The following STAC2 variants were observed in gnomAD, a reference collection of about 807,000 sequenced individuals.
STAC2 encodes the protein SH3 and cysteine rich domain 2, also known as SH3 and cysteine-rich domain-containing protein 2.
A neutral mutation model predicts 49.0 loss-of-function variants in STAC2; 36 were observed. The observed-to-expected ratio is 0.74, with a 90% CI of 0.56 to 0.97. The LOEUF is 0.97. Among genes scored for constraint, STAC2 ranks in the 50% least tolerant of loss-of-function variants. STAC2 has a pLI of 0.00. For missense variants in STAC2, 527 were observed against 543.8 expected, an observed-to-expected ratio of 0.97 and a Z score of 0.31; for synonymous variants, 239 against 214.7, an observed-to-expected ratio of 1.11 and a Z score of -0.99.
Position 39,225,398 on chromosome 17 carries a change from C to G in STAC2, c.90+15G>C, listed in dbSNP as rs777534221. 1.3e-6 allele frequency: 2 copies of G among 1,592,962 alleles called. No homozygotes were observed. The highest frequency in any genetic ancestry group is 2.2e-5 in the South Asian group (2 of 90,318). On this transcript the variant is annotated intron_variant, in intron 1 of 10. Transcript: ENST00000333461. The surrounding 1 kb of genome is among the most constrained non-coding windows in gnomAD (Gnocchi z 8.2). ...GGGCCCGGGGCGCGGACAGGCCTTG[C>G]GCCCCCCAAGTTACCTTGGTTTCCT...
At chr17:39,220,738 T>C (rs1265064052) in intron 1 of STAC2, among the ~76,000 whole-genome samples, 5 of 146,002 alleles carry the variant, frequency 3.4e-5, no homozygotes, top group East Asian at 2.1e-4. Context: ...TCCCAAAGTG[T>C]TGGGATTACA....
At chr17:39,223,183 G>T (rs912291769) in intron 1 of STAC2, among the ~76,000 whole-genome samples, 1 of 152,198 alleles carries the variant, frequency 6.6e-6, no homozygotes, top group Non-Finnish European at 1.5e-5. Flanking sequence ...CCCCTCTGTT[G>T]TACCTGCCTC....
At chr17:39,220,942 G>T (rs369001573) in intron 1 of STAC2, among the ~76,000 whole-genome samples, 11 of 151,142 alleles carry the variant, frequency 7.3e-5, no homozygotes, top group Admixed American at 2.0e-4. Context: ...GACTACAGGC[G>T]CCCGCCACCA....
chr17:39,214,707 T>C, intron 7 of STAC2, 84 bp downstream of exon 7: 1 of 1,490,446 alleles, frequency 6.7e-7, no homozygotes, highest in Non-Finnish European at 9.2e-7. Context: ...CACCATGCTC[T>C]TGCCCCCCTA....
At position 39,215,031 on chromosome 17, in the gene STAC2, CAG is replaced by C. The variant is rs2046389548; in HGVS notation, c.700-10_700-9del. ...CAGCTCATCCCGCTCACTCTAGGGA[CAG>C]AGAGAGGAGAGGGCTCAGCCCCCGA... On this transcript the variant is annotated splice_polypyrimidine_tract_variant and intron_variant, in intron 5 of 10. Coordinates refer to ENST00000333461, the MANE Select transcript of STAC2 (RefSeq NM_198993.5). 1 of 1,613,990 alleles carries C rather than the reference CAG, an allele frequency of 6.2e-7. No individual in the cohort carries two copies. The highest frequency in any genetic ancestry group is 8.5e-7 in the Non-Finnish European group (1 of 1,180,018).
intron 10 of STAC2, 110 bp downstream of exon 10, chr17:39,212,885 T>C: frequency 6.6e-7 from 1 of 1,504,680 alleles, no homozygotes; most frequent in Non-Finnish European, 8.9e-7. Context: ...TCCCCTCAAC[T>C]GCCAAGATCA....
chr17:39,212,494 T>C (rs921125229), intron 10 of STAC2, 98 bp from the exon 11 acceptor site: 16 of 847,278 alleles, frequency 1.9e-5, no homozygotes, highest in African/African-American at 5.1e-5. Flanking sequence ...TGGGGGATGA[T>C]GGGACCAGTG....
At chr17:39,214,747 G>C in intron 7 of STAC2, 44 bp downstream of exon 7, 1 of 1,603,224 alleles carries the variant, frequency 6.2e-7, no homozygotes, top group Non-Finnish European at 8.5e-7. Flanking sequence ...AATTACACCC[G>C]CTTCCCACCC....
At chr17:39,217,006 G>A (rs990618116) in intron 3 of STAC2, 70 bp downstream of exon 3, 16 of 1,603,104 alleles carry the variant, frequency 1.0e-5, no homozygotes, top group Non-Finnish European at 1.4e-5. Flanking sequence ...AGCCCTGAGG[G>A]ATACTCATTC....
chr17:39,213,518 C>T lies in STAC2; in HGVS notation c.982G>A (p.Asp328Asn). The change falls in exon 9 of 11, where the codon GAC becomes AAC. Residue 328 changes from aspartate (D) to asparagine (N), a missense_variant. By Grantham distance (23) the Asp-to-Asn change is conservative. Transcript: ENST00000333461. ...CCCTGCCAAGTCACCTTCCACCAGT[C>T]CTCGTTAGAGTCATCCACCAGCATG... Reference protein sequence around the residue: ...RIMLVDDSNEDWWKGKIGDRV... With the variant: ...RIMLVDDSNENWWKGKIGDRV... The T allele has an allele frequency of 6.2e-7, 1 of 1,613,770 alleles. No individual in the cohort carries two copies. Among genetic ancestry groups the T allele is most frequent in the Non-Finnish European group, 8.5e-7 (1 of 1,179,782 alleles).
chr17:39,225,311 T>C lies in STAC2; in HGVS notation c.90+102A>G. On this transcript the variant is annotated intron_variant, in intron 1 of 10. Transcript: ENST00000333461. This position sits in a 1 kb window ranked among gnomAD's most constrained non-coding sequence, Gnocchi z 8.2. ...CGGAGCCTCAGTGGTCACGCGGGCC[T>C]CGCGACCGCGACCCTAGGACGCCCG... 1.1e-5 allele frequency: 11 copies of C among 1,015,950 alleles called. No individual in the cohort carries two copies. The highest frequency in any genetic ancestry group is 3.1e-5 in the Admixed American group (1 of 32,252). 62.9% of individuals were successfully genotyped at this position (1,015,950 alleles called of 1,614,324 possible).
chr17:39,225,357 C>A lies in STAC2; in HGVS notation c.90+56G>T, dbSNP rs1218081336. Reference sequence around the variant, plus strand: ...GCCCGGGCCCACAGGAGGACCCCGCCGGGAAGAGGGCGCCCGGGCCCGGGG... The same window carrying A: ...GCCCGGGCCCACAGGAGGACCCCGCAGGGAAGAGGGCGCCCGGGCCCGGGG... On this transcript the variant is annotated intron_variant, in intron 1 of 10. Transcript: ENST00000333461. This position sits in a 1 kb window ranked among gnomAD's most constrained non-coding sequence, Gnocchi z 8.2. The A allele has an allele frequency of 6.7e-7, 1 of 1,491,980 alleles. No individual in the cohort carries two copies. The highest frequency in any genetic ancestry group is 9.0e-7 in the Non-Finnish European group (1 of 1,111,968). The allele number at this position is 1,491,980 out of a possible 1,614,324, so 92.4% of individuals were successfully genotyped here. A position where few individuals can be genotyped will look rare whatever the true frequency, so the allele number is the denominator to read the frequency against.
chr17:39,213,764 C>T (rs1201841206), intron 8 of STAC2, among the ~76,000 whole-genome samples: 1 of 151,698 alleles, frequency 6.6e-6, no homozygotes, highest in East Asian at 1.9e-4. Context: ...GCAACCTCCA[C>T]CTTCCGGGTT....
At chr17:39,221,342 G>A (rs1304365566) in intron 1 of STAC2, among the ~76,000 whole-genome samples, 6 of 151,718 alleles carry the variant, frequency 4.0e-5, no homozygotes, top group South Asian at 2.1e-4. Context: ...CTCATGATCC[G>A]CCCACCTTGG....
intron 10 of STAC2, 66 bp from the exon 11 acceptor site, chr17:39,212,462 A>G (rs1181524691): frequency 1.3e-5 from 17 of 1,353,552 alleles, no homozygotes; most frequent in African/African-American, 2.9e-5. Context: ...AGTCCTGCCC[A>G]TGGCCCCCAG....
chr17:39,220,131 T>C (rs920197059), intron 1 of STAC2, among the ~76,000 whole-genome samples: 1 of 152,234 alleles, frequency 6.6e-6, no homozygotes, highest in African/African-American at 2.4e-5. Context: ...TGGATAGCAC[T>C]GTGGGCTTCT....
rs2046508141 is a variant in STAC2, at chr17:39,225,728, CG to C, written c.-227del. The C allele has an allele frequency of 1.7e-6, 1 of 574,328 alleles. No individual in the cohort carries two copies. The highest frequency in any genetic ancestry group is 2.0e-5 in the South Asian group (1 of 50,106). 35.6% of individuals were successfully genotyped at this position (574,328 alleles called of 1,614,324 possible). A position where few individuals can be genotyped will look rare whatever the true frequency, so the allele number is the denominator to read the frequency against. Reference sequence around the variant, plus strand: ...CTGAGCCGCAGGAGCGGGACGACCCCGGGCGCGAGGACCGAGGGTCTGCAGA... The same window carrying C: ...CTGAGCCGCAGGAGCGGGACGACCCCGGCGCGAGGACCGAGGGTCTGCAGA... On this transcript the variant is annotated 5_prime_UTR_variant, in exon 1 of 11. The change creates a premature stop within an existing upstream ORF in the 5' untranslated region. Coordinates refer to ENST00000333461, the MANE Select transcript of STAC2 (RefSeq NM_198993.5). The surrounding 1 kb of genome is among the most constrained non-coding windows in gnomAD (Gnocchi z 8.2).
Position 39,218,030 on chromosome 17 carries a change from G to A in STAC2, c.234C>T (p.Ser78=), listed in dbSNP as rs1311698383. The change falls in exon 2 of 11, where the codon TCC becomes TCT. Residue 78 remains serine (S), a synonymous_variant. Transcript: ENST00000333461. ...CCCTGTCCGAGGCTGTGGGTGGTGG[G>A]GAGGGAGGGGGCAGTGGGGTTGGGG... is the stretch of plus-strand genomic sequence containing the variant. The part of the protein sequence containing the change: ...LTPPTPLPPP[S]PPPTASDRGL... 1 of 1,593,638 alleles carries A rather than the reference G, an allele frequency of 6.3e-7. No individual in the cohort carries two copies. The highest frequency in any genetic ancestry group is 1.1e-5 in the South Asian group (1 of 88,622).
chr17:39,217,069 C>T lies in STAC2; in HGVS notation c.495+7G>A, dbSNP rs539628466. ...AGCTGGCCATCTCTGCCTGGGTCCC[C>T]GCTCACCGTCTTGCCTGGGCATTGC... On this transcript the variant is annotated splice_region_variant and intron_variant, in intron 3 of 10. Coordinates refer to ENST00000333461, the MANE Select transcript of STAC2 (RefSeq NM_198993.5). 21 of 1,613,640 alleles carry T rather than the reference C, an allele frequency of 1.3e-5. No homozygotes were observed. Among genetic ancestry groups the T allele is most frequent in the African/African-American group, 5.3e-5 (4 of 74,920 alleles).
Sources: gnomAD v4.1 joint callset for allele counts (sites outside exome capture counted in the v4.1 genomes callset) on GRCh38, gnomAD v4.1.1 for gene constraint, Gnocchi (gnomAD v3.1) non-coding constraint, MANE v1.5 for transcripts, NCBI Gene and HGNC (gene_info 2026-07-23, HGNC 2026-07-21) for gene names.